Variants in RNF111 observed in about 807,000 individuals in gnomAD.
RNF111 encodes the protein E3 ubiquitin-protein ligase Arkadia.
In RNF111, 17 loss-of-function variants were observed where a neutral mutation model predicts 95.1. The observed-to-expected ratio is 0.18, with a 90% CI of 0.12 to 0.27. The LOEUF (loss-of-function observed/expected upper bound fraction) is 0.27, where lower values mean the gene tolerates loss of function less well. RNF111 is among the 10% of genes least tolerant of loss of function. The pLI is 1.00. For synonymous variants in RNF111, 440 were observed against 414.8 expected (o/e 1.06, Z -0.74); for missense variants, 1,189 against 1,210.4 (o/e 0.98, Z 0.26).
intron 1 of RNF111, among the ~76,000 whole-genome samples, chr15:59,013,227 CA>C (rs1252556267): frequency 6.6e-6 from 1 of 152,124 alleles, no homozygotes; most frequent in Non-Finnish European, 1.5e-5. Flanking sequence ...ATTTACATTG[CA>C]AAAATAGTAC....
At chr15:58,994,430 C>G (rs925020577) in intron 1 of RNF111, among the ~76,000 whole-genome samples, 1 of 150,546 alleles carries the variant, frequency 6.6e-6, no homozygotes, top group Non-Finnish European at 1.5e-5. Flanking sequence ...TTCAGATTCA[C>G]CAATTTTTAA....
chr15:59,027,949 C>T (rs1401948433), intron 1 of RNF111, among the ~76,000 whole-genome samples: 1 of 151,746 alleles, frequency 6.6e-6, no homozygotes, highest in Non-Finnish European at 1.5e-5. Flanking sequence ...CCTCAGCCTC[C>T]TGAGTAGCTG....
rs1178824683 is a variant in RNF111 at position 59,095,028 on chromosome 15, A to G, written c.*128A>G. The G allele has an allele frequency of 1.1e-5, 8 of 726,818 alleles. No individual in the cohort carries two copies. The highest frequency in any genetic ancestry group is 1.7e-5 in the Non-Finnish European group (7 of 401,650). 45.0% of individuals were successfully genotyped at this position (726,818 alleles called of 1,614,324 possible). ...GAACTTAGAGTGCTGGCTCTGCTAT[A>G]TGGTACAACTAATGCTAGACCTACA... is the stretch of plus-strand genomic sequence containing the variant. On this transcript the variant is annotated 3_prime_UTR_variant, in exon 14 of 14. Coordinates refer to ENST00000348370, the MANE Select transcript of RNF111 (RefSeq NM_017610.8).
At chr15:59,044,712 A>G (rs2041626882) in intron 2 of RNF111, among the ~76,000 whole-genome samples, 1 of 152,222 alleles carries the variant, frequency 6.6e-6, no homozygotes, top group Non-Finnish European at 1.5e-5. Context: ...TAAATGTAAA[A>G]GATAAAATGA....
At chr15:59,018,103 C>A (rs1196746810) in intron 1 of RNF111, among the ~76,000 whole-genome samples, 4 of 152,022 alleles carry the variant, frequency 2.6e-5, no homozygotes, top group African/African-American at 9.7e-5. Flanking sequence ...ATGCAGCAAT[C>A]ATAATTATTA....
intron 6 of RNF111, among the ~76,000 whole-genome samples, chr15:59,068,359 C>T (rs1313054070): frequency 6.6e-6 from 1 of 152,226 alleles, no homozygotes; most frequent in Admixed American, 6.5e-5. Flanking sequence ...GTAATTCCAG[C>T]ACTTTGGGAG....
chr15:59,065,870 G>T (rs995553229), intron 5 of RNF111, among the ~76,000 whole-genome samples: 36 of 152,120 alleles, frequency 2.4e-4, no homozygotes, highest in African/African-American at 8.4e-4. Context: ...AATTAGCCAG[G>T]CGTGGTGGTG....
intron 7 of RNF111, among the ~76,000 whole-genome samples, chr15:59,077,965 T>G (rs2078614920): frequency 6.6e-6 from 1 of 152,260 alleles, no homozygotes; most frequent in South Asian, 2.1e-4. Context: ...CCGTATGCTT[T>G]AGTTCACGTG....
At position 59,028,774 on chromosome 15, in the gene RNF111, G is replaced by A. The variant is rs2040751651; in HGVS notation, c.-19-2030G>A. Reference sequence around the variant, plus strand: ...AAATGCTAGGTCACATAGCAATTTTGTGTTTAATTTTTTTTTTTTTCTTGA... The same window carrying A: ...AAATGCTAGGTCACATAGCAATTTTATGTTTAATTTTTTTTTTTTTCTTGA... On this transcript the variant is annotated intron_variant, in intron 1 of 13. Transcript: ENST00000348370. 3.2e-5 allele frequency among the ~76,000 whole-genome samples: 3 copies of A among 94,548 alleles called. No individual in the cohort carries two copies. In the South Asian group the frequency reaches 1.3e-3, roughly 41 times the overall value. The allele number at this position is 94,548 out of a possible 152,430, so 62.0% of individuals were successfully genotyped here.
intron 1 of RNF111, among the ~76,000 whole-genome samples, chr15:58,997,708 C>T (rs1390691772): frequency 2.0e-5 from 3 of 150,018 alleles, no homozygotes; most frequent in Non-Finnish European, 4.4e-5. Flanking sequence ...CCCAGCTACT[C>T]GGGAGGCTGA....
chr15:58,991,711 GAATCTAC>G (rs1406717657), intron 1 of RNF111, among the ~76,000 whole-genome samples: 1 of 152,188 alleles, frequency 6.6e-6, no homozygotes, highest in African/African-American at 2.4e-5. Flanking sequence ...TGATTCTAGA[GAATCTAC>G]AAATGTAAAT....
intron 1 of RNF111, among the ~76,000 whole-genome samples, chr15:59,018,153 AATT>A (rs1236099240): frequency 5.3e-5 from 8 of 152,192 alleles, no homozygotes; most frequent in African/African-American, 1.7e-4. Context: ...TGGTTTGATA[AATT>A]ATTATCATTT....
chr15:59,086,753 T>G (rs569575732), intron 10 of RNF111, among the ~76,000 whole-genome samples: 31 of 152,298 alleles, frequency 2.0e-4, no homozygotes, highest in Admixed American at 3.3e-4. Context: ...GTGTTTCTAA[T>G]TTTAGGAGTG....
chr15:59,055,793 G>A lies in RNF111; in HGVS notation c.1119G>A (p.Gln373=). 6.2e-7 allele frequency: 1 copy of A among 1,613,940 alleles called. No individual in the cohort carries two copies. The highest frequency in any genetic ancestry group is 8.5e-7 in the Non-Finnish European group (1 of 1,179,946). ...RNRSRISTVI[Q]PLRQNAAEVV... is the part of the protein sequence containing the mutation. ...GCAGTAGGATTTCTACTGTTATACA[G>A]CCCTTGAGGCAGAATGCAGCAGAAG... The change falls in exon 4 of 14, where the codon CAG becomes CAA. Residue 373 remains glutamine (Q), a synonymous_variant. Transcript: ENST00000348370.
chr15:59,065,980 A>T (rs979145601), intron 5 of RNF111, among the ~76,000 whole-genome samples: 6 of 152,098 alleles, frequency 3.9e-5, no homozygotes, highest in African/African-American at 1.4e-4. Flanking sequence ...GTGAGACTTC[A>T]CCAGATACAC....
intron 1 of RNF111, among the ~76,000 whole-genome samples, chr15:58,993,360 TAAAA>T (rs200414271): frequency 6.7e-6 from 1 of 149,388 alleles, no homozygotes; most frequent in Non-Finnish European, 1.5e-5. Context: ...AACACAAAAA[TAAAA>T]AAAATATAAC....
At chr15:59,074,164 C>T (rs1471594575) in intron 6 of RNF111, among the ~76,000 whole-genome samples, 1 of 152,084 alleles carries the variant, frequency 6.6e-6, no homozygotes, top group Non-Finnish European at 1.5e-5. Context: ...TAATAGAGCA[C>T]AGGCAGAATA....
intron 10 of RNF111, among the ~76,000 whole-genome samples, chr15:59,086,980 A>G (rs2078918318): frequency 6.6e-6 from 1 of 152,260 alleles, no homozygotes; most frequent in Non-Finnish European, 1.5e-5. Flanking sequence ...GAATGCCTGA[A>G]TGAAGGCAAT....
At chr15:59,004,389 G>T (rs2039449586) in intron 1 of RNF111, among the ~76,000 whole-genome samples, 2 of 151,364 alleles carry the variant, frequency 1.3e-5, no homozygotes, top group Non-Finnish European at 3.0e-5. Flanking sequence ...ACGTGTACAA[G>T]AATTCACATT....
Sources: gnomAD v4.1 joint callset for allele counts (sites outside exome capture counted in the v4.1 genomes callset) on GRCh38, gnomAD v4.1.1 for gene constraint, MANE v1.5 for transcripts, NCBI Gene and HGNC (gene_info 2026-07-23, HGNC 2026-07-21) for gene names.